The following ARHGEF33 variants were observed in gnomAD, a reference collection of about 807,000 sequenced individuals.
ARHGEF33 encodes Rho guanine nucleotide exchange factor 33, also known as DH and coiled-coil domain-containing protein ENSP00000381780.
In ARHGEF33, 72 loss-of-function variants were observed where a neutral mutation model predicts 101.9. The observed-to-expected ratio is 0.71, with a 90% CI of 0.58 to 0.86. ARHGEF33 has a LOEUF of 0.86. Ranked by LOEUF, ARHGEF33 falls within the 40% of genes least tolerant of loss-of-function variation. The pLI is 0.00. For synonymous variants in ARHGEF33, 499 were observed against 442.5 expected, an observed-to-expected ratio of 1.13 and a Z score of -1.60; for missense variants, 1,169 against 1,111.3, an observed-to-expected ratio of 1.05 and a Z score of -0.74.
intron 2 of ARHGEF33, among the ~76,000 whole-genome samples, chr2:38,915,916 C>G (rs80315758): frequency 0.048 from 7,339 of 152,104 alleles, 212 homozygotes; most frequent in Middle Eastern, 0.061. Flanking sequence ...GTCTGAGCTG[C>G]TTGGGAGGCT....
At chr2:38,902,371 C>T (rs902632644) in intron 2 of ARHGEF33, among the ~76,000 whole-genome samples, 4 of 152,106 alleles carry the variant, frequency 2.6e-5, no homozygotes, top group African/African-American at 4.8e-5. Context: ...AGATTAAAGA[C>T]GTGTTATCCG....
rs149930115 is a variant in ARHGEF33 at position 38,897,618 on chromosome 2, A to T, written c.-86+1769A>T. Among the ~76,000 whole-genome samples, 417 of 152,292 alleles carry T rather than the reference A, an allele frequency of 2.7e-3. 3 individuals are homozygous for T. The highest frequency in any genetic ancestry group is 0.01 in the Middle Eastern group (3 of 294). Reference sequence around the variant, plus strand: ...AATGAACCTATAAAATTTTGCCTATAATTTAGAGGATTTGTGGAAACCTTG... The same window carrying T: ...AATGAACCTATAAAATTTTGCCTATTATTTAGAGGATTTGTGGAAACCTTG... On this transcript the variant is annotated intron_variant, in intron 2 of 17. Coordinates refer to ENST00000409978, the MANE Select transcript of ARHGEF33 (RefSeq NM_001145451.5).
chr2:38,895,142 G>A (rs1330569400), intron 1 of ARHGEF33, among the ~76,000 whole-genome samples: 1 of 152,136 alleles, frequency 6.6e-6, no homozygotes, highest in Non-Finnish European at 1.5e-5. Context: ...CATCCACACT[G>A]TGAGGCAAGT....
intron 15 of ARHGEF33, among the ~76,000 whole-genome samples, chr2:38,958,776 G>A (rs998291476): frequency 2.0e-5 from 3 of 152,158 alleles, no homozygotes; most frequent in African/African-American, 7.2e-5. Flanking sequence ...CCGCCTCCCA[G>A]GTTCAAGGGA....
chr2:38,906,091 A>G (rs1441089816), intron 2 of ARHGEF33, among the ~76,000 whole-genome samples: 1 of 151,892 alleles, frequency 6.6e-6, no homozygotes, highest in Non-Finnish European at 1.5e-5. Flanking sequence ...CCACGTCTAC[A>G]AAAAAATACC....
intron 2 of ARHGEF33, among the ~76,000 whole-genome samples, chr2:38,912,202 A>G (rs1213432125): frequency 6.6e-6 from 1 of 152,248 alleles, no homozygotes; most frequent in Non-Finnish European, 1.5e-5. Context: ...GAAAGGAGGA[A>G]GGTCAGGGAG....
At chr2:38,971,253 TTTTC>T (rs1668159194) in intron 17 of ARHGEF33, among the ~76,000 whole-genome samples, 1 of 152,212 alleles carries the variant, frequency 6.6e-6, no homozygotes. Flanking sequence ...GAATTTGCTA[TTTTC>T]TTTGTCACTT....
rs1405651676 is a variant in ARHGEF33, at chr2:38,909,705, GA to G, written c.-85-9657del. Among the ~76,000 whole-genome samples the G allele has an allele frequency of 3.0e-3, 262 of 86,602 alleles. 3 individuals carry two copies. The highest frequency in any genetic ancestry group is 7.0e-3 in the African/African-American group (235 of 33,714). The allele number at this position is 86,602 out of a possible 152,430, so 56.8% of individuals were successfully genotyped here. ...TTTAAATTGCTATGTATTCAAGGAT[GA>G]TTTTTTTTTTTTTTTTTTTGGTTGT... On this transcript the variant is annotated intron_variant, in intron 2 of 17. Coordinates refer to ENST00000409978, the MANE Select transcript of ARHGEF33 (RefSeq NM_001145451.5).
intron 2 of ARHGEF33, among the ~76,000 whole-genome samples, chr2:38,908,009 C>G (rs1187410773): frequency 6.6e-6 from 1 of 151,642 alleles, no homozygotes; most frequent in African/African-American, 2.4e-5. Flanking sequence ...CAGGTGCATG[C>G]CAACATGCCT....
intron 10 of ARHGEF33, 100 bp from the exon 11 acceptor site, chr2:38,950,889 G>A (rs1303668856): frequency 6.9e-6 from 8 of 1,167,006 alleles, no homozygotes; most frequent in Non-Finnish European, 9.6e-6. Context: ...CTCACAGTAT[G>A]TTGGATGGCT....
At chr2:38,933,046 T>C (rs189383199) in intron 7 of ARHGEF33, among the ~76,000 whole-genome samples, 1 of 152,368 alleles carries the variant, frequency 6.6e-6, no homozygotes, top group Non-Finnish European at 1.5e-5. Context: ...ACAACTGTTA[T>C]CTATTGTCCC....
chr2:38,937,308 TCCCCGCCCCTC>T lies in ARHGEF33; in HGVS notation c.566-22_566-12del. 3.4e-6 allele frequency: 2 copies of T among 593,046 alleles called. No individual in the cohort carries two copies. Among genetic ancestry groups the T allele is most frequent in the Non-Finnish European group, 5.9e-6 (2 of 341,424 alleles). The allele number at this position is 593,046 out of a possible 1,614,324, so 36.7% of individuals were successfully genotyped here. ...GATTTTGATAGCAGTTTTCTTTGTT[TCCCCGCCCCTC>T]CCCCCACCCCACCAGGAGTGAACCC... On this transcript the variant is annotated splice_polypyrimidine_tract_variant and intron_variant, in intron 8 of 17. Coordinates refer to ENST00000409978, the MANE Select transcript of ARHGEF33 (RefSeq NM_001145451.5).
At chr2:38,903,239 TAA>T (rs201607538) in intron 2 of ARHGEF33, among the ~76,000 whole-genome samples, 2 of 151,990 alleles carry the variant, frequency 1.3e-5, no homozygotes, top group African/African-American at 4.8e-5. Flanking sequence ...AATAGTACAT[TAA>T]AAAAAACTAT....
intron 2 of ARHGEF33, among the ~76,000 whole-genome samples, chr2:38,913,045 T>G (rs954763168): frequency 2.6e-5 from 4 of 151,860 alleles, no homozygotes. Context: ...ATTGTTTTTT[T>G]TTTTTTTTTG....
chr2:38,954,453 G>T lies in ARHGEF33; in HGVS notation c.1218G>T (p.Leu406=). 6.5e-7 allele frequency: 1 copy of T among 1,547,232 alleles called. No individual in the cohort carries two copies. The highest frequency in any genetic ancestry group is 8.7e-7 in the Non-Finnish European group (1 of 1,143,050). Residue 406 remains leucine, a synonymous_variant, in exon 13 of 18, where the codon CTG becomes CTT. Transcript: ENST00000409978. ...VQRIPEYLIH[L]QNVLKFTEQE... The stretch of plus-strand genomic sequence containing the variant: ...GCATCCCTGAATATCTGATACATCT[G>T]CAGGTAGGCATGGGTGGGAAAGCCA...
At chr2:38,927,924 T>C (rs948228652) in intron 4 of ARHGEF33, among the ~76,000 whole-genome samples, 1 of 152,192 alleles carries the variant, frequency 6.6e-6, no homozygotes, top group African/African-American at 2.4e-5. Flanking sequence ...TTAGAAGTGC[T>C]CCATTTTCTC....
At chr2:38,915,769 G>A (rs1666620125) in intron 2 of ARHGEF33, among the ~76,000 whole-genome samples, 1 of 152,140 alleles carries the variant, frequency 6.6e-6, no homozygotes, top group African/African-American at 2.4e-5. Flanking sequence ...GCTCATGCCT[G>A]TAATCCCAAC....
intron 6 of ARHGEF33, among the ~76,000 whole-genome samples, chr2:38,930,713 G>A (rs1249315545): frequency 2.0e-5 from 3 of 152,148 alleles, no homozygotes; most frequent in Admixed American, 6.5e-5. Context: ...TGTGACCCTG[G>A]AGAACAGGTT....
chr2:38,899,810 T>G (rs935844904), intron 2 of ARHGEF33, among the ~76,000 whole-genome samples: 1 of 152,148 alleles, frequency 6.6e-6, no homozygotes. Context: ...GCACTACACT[T>G]TCTAAATATA....
Sources: allele counts gnomAD v4.1 joint callset (sites outside exome capture counted in the v4.1 genomes callset), GRCh38; gene constraint gnomAD v4.1.1; transcripts MANE v1.5; gene names NCBI Gene and HGNC (gene_info 2026-07-23, HGNC 2026-07-21).